The following CGNL1 variants were observed in gnomAD, a reference collection of about 807,000 sequenced individuals.
CGNL1 encodes the protein cingulin-like protein 1.
Under a neutral mutation model 141.2 loss-of-function variants are expected in CGNL1, and 132 were observed. The ratio of observed to expected loss-of-function variants is 0.93; its 90% CI spans 0.81 to 1.08. The LOEUF is 1.08. Ranked by LOEUF, CGNL1 falls within the 50% of genes least tolerant of loss-of-function variation. CGNL1 has a pLI of 0.00. For missense variants in CGNL1, 1,870 were observed against 1,588.6 expected (o/e 1.18, Z -3.01); for synonymous variants, 690 against 622.1 (o/e 1.11, Z -1.63).
At chr15:57,446,473 TATA>T (rs1265562875) in intron 4 of CGNL1, among the ~76,000 whole-genome samples, 2 of 152,166 alleles carry the variant, frequency 1.3e-5, no homozygotes, top group Admixed American at 6.5e-5. Context: ...CAATATGTAT[TATA>T]ATAAGTATTC....
At chr15:57,446,349 T>A (rs2063251284) in intron 4 of CGNL1, among the ~76,000 whole-genome samples, 1 of 152,190 alleles carries the variant, frequency 6.6e-6, no homozygotes, top group Admixed American at 6.5e-5. Flanking sequence ...TTCCTGGGTT[T>A]CCTGTGTTCC....
chr15:57,540,359 T>C (rs1474310772), intron 14 of CGNL1, among the ~76,000 whole-genome samples: 2 of 152,282 alleles, frequency 1.3e-5, no homozygotes, highest in African/African-American at 2.4e-5. Flanking sequence ...ATGTCTTACA[T>C]GGCGGCAGGC....
At chr15:57,481,130 G>A (rs576997885) in intron 8 of CGNL1, among the ~76,000 whole-genome samples, 1 of 130,644 alleles carries the variant, frequency 7.7e-6, no homozygotes, top group Non-Finnish European at 1.6e-5. Context: ...AAAATCAAAC[G>A]TTTTGAGATA....
At chr15:57,493,121 A>G (rs535444448) in intron 8 of CGNL1, among the ~76,000 whole-genome samples, 1 of 152,344 alleles carries the variant, frequency 6.6e-6, no homozygotes, top group South Asian at 2.1e-4. Flanking sequence ...GACCAATATT[A>G]GTACTTTAGA....
At chr15:57,490,416 G>C (rs112881394) in intron 8 of CGNL1, among the ~76,000 whole-genome samples, 1 of 151,942 alleles carries the variant, frequency 6.6e-6, no homozygotes, top group South Asian at 2.1e-4. Context: ...ACACACGCAC[G>C]CACGCGTGCG....
chr15:57,434,913 TAACA>T (rs1474352059), intron 1 of CGNL1, among the ~76,000 whole-genome samples: 2 of 151,874 alleles, frequency 1.3e-5, no homozygotes, highest in Admixed American at 6.6e-5. Flanking sequence ...TTGGGTAAAC[TAACA>T]AAGAGGAAGA....
intron 17 of CGNL1, 38 bp downstream of exon 17, chr15:57,545,738 T>G (rs1186661113): frequency 6.5e-7 from 1 of 1,533,826 alleles, no homozygotes; most frequent in East Asian, 2.3e-5. Context: ...TTAGATGAGA[T>G]TGCGTGTCTC....
intron 1 of CGNL1, among the ~76,000 whole-genome samples, chr15:57,430,074 G>T (rs997718654): frequency 6.6e-6 from 1 of 152,214 alleles, no homozygotes; most frequent in Admixed American, 6.5e-5. Context: ...GCCTCCCAAA[G>T]TGCTGGGGTG....
At chr15:57,507,485 T>C (rs1177987227) in intron 8 of CGNL1, among the ~76,000 whole-genome samples, 1 of 152,228 alleles carries the variant, frequency 6.6e-6, no homozygotes, top group African/African-American at 2.4e-5. Context: ...GAGACATTTT[T>C]AACCTATGTA....
chr15:57,509,421 G>A (rs565444354), intron 8 of CGNL1, among the ~76,000 whole-genome samples: 3 of 152,144 alleles, frequency 2.0e-5, no homozygotes, highest in Admixed American at 1.3e-4. Context: ...GTACTGGGTC[G>A]GCACTAGGAC....
At chr15:57,525,116 AACTG>A (rs1336578037) in intron 12 of CGNL1, among the ~76,000 whole-genome samples, 4 of 152,258 alleles carry the variant, frequency 2.6e-5, no homozygotes, top group East Asian at 3.8e-4. Context: ...GGATTACAGT[AACTG>A]ACTGTTTTTT....
At chr15:57,547,313 C>G in intron 18 of CGNL1, 42 bp from the exon 19 acceptor site, 2 of 1,607,368 alleles carry the variant, frequency 1.2e-6, no homozygotes, top group Non-Finnish European at 1.7e-6. Flanking sequence ...GCTATGGGCC[C>G]CGGCCCAGGG....
At chr15:57,420,576 G>A (rs2062903386) in intron 1 of CGNL1, among the ~76,000 whole-genome samples, 1 of 152,142 alleles carries the variant, frequency 6.6e-6, no homozygotes, top group Non-Finnish European at 1.5e-5. Flanking sequence ...AATCGTTAAT[G>A]CATTCCTCTA....
At chr15:57,502,917 A>G (rs2064045588) in intron 8 of CGNL1, among the ~76,000 whole-genome samples, 1 of 152,172 alleles carries the variant, frequency 6.6e-6, no homozygotes, top group Admixed American at 6.5e-5. Context: ...CCTGGGACCA[A>G]GACACCCACT....
At chr15:57,544,811 C>T (rs1223998277) in intron 16 of CGNL1, among the ~76,000 whole-genome samples, 1 of 152,198 alleles carries the variant, frequency 6.6e-6, no homozygotes, top group Non-Finnish European at 1.5e-5. Context: ...TGGCTGGATA[C>T]TGGTGTAGCT....
At chr15:57,545,538 C>A (rs2032809310) in intron 16 of CGNL1, 54 bp from the exon 17 acceptor site, 9 of 1,514,924 alleles carry the variant, frequency 5.9e-6, no homozygotes, top group Admixed American at 1.8e-5. Context: ...CTAGGCTGGG[C>A]CCCCTGCAGG....
intron 10 of CGNL1, among the ~76,000 whole-genome samples, 178 bp downstream of exon 10, chr15:57,518,675 G>T (rs549937420): frequency 6.6e-6 from 1 of 152,194 alleles, no homozygotes; most frequent in South Asian, 2.1e-4. Flanking sequence ...AACTGGGGGG[G>T]ATTTGGTAAT....
In CGNL1 at chr15:57,465,415, G is replaced by A. The variant is rs570345692; in HGVS notation, c.2403+3523G>A. On this transcript the variant is annotated intron_variant, in intron 8 of 18. Coordinates refer to ENST00000281282, the MANE Select transcript of CGNL1 (RefSeq NM_032866.5). ...TTTTTTTTTTTTTTTTTTTAAGATG[G>A]AGTCTCACTCTGTTGCCCAGGCTGG... Among the ~76,000 whole-genome samples the A allele has an allele frequency of 1.8e-4, 22 of 125,310 alleles. No individual in the cohort carries two copies. The East Asian group carries it at 4.9e-3, about 28-fold the overall frequency. The allele number at this position is 125,310 out of a possible 152,430, so 82.2% of individuals were successfully genotyped here.
intron 1 of CGNL1, among the ~76,000 whole-genome samples, chr15:57,403,629 C>T (rs2062683544): frequency 6.6e-6 from 1 of 152,170 alleles, no homozygotes; most frequent in Non-Finnish European, 1.5e-5. Context: ...ACCTCAGTGG[C>T]TGAAGATTAT....
Sources: allele counts gnomAD v4.1 joint callset (sites outside exome capture counted in the v4.1 genomes callset), GRCh38; gene constraint gnomAD v4.1.1; transcripts MANE v1.5; gene names NCBI Gene and HGNC (gene_info 2026-07-23, HGNC 2026-07-21).